Variants in UNC13C observed in about 807,000 individuals in gnomAD.
UNC13C encodes unc-13 homolog C.
Under a neutral mutation model 245.4 loss-of-function variants are expected in UNC13C, and 174 were observed. That is an observed-to-expected ratio of 0.71 (90% CI 0.63 to 0.80). UNC13C has a LOEUF of 0.80. Among genes scored for constraint, UNC13C ranks in the 30% least tolerant of loss-of-function variants. The pLI, the probability that UNC13C is intolerant of heterozygous loss-of-function variation, is 0.00. For missense variants in UNC13C, 2,829 were observed against 2,602.9 expected, an observed-to-expected ratio of 1.09 and a Z score of -1.89; for synonymous variants, 992 against 895.1, an observed-to-expected ratio of 1.11 and a Z score of -1.93.
chr15:54,276,751 A>G (rs12148563), intron 10 of UNC13C, among the ~76,000 whole-genome samples: 17,112 of 152,004 alleles, frequency 0.11, 1,222 homozygotes, highest in Non-Finnish European at 0.15. Context: ...CATATCTACT[A>G]CTTGCCTTTA....
At chr15:54,290,267 T>C (rs1320460607) in intron 10 of UNC13C, among the ~76,000 whole-genome samples, 2 of 152,014 alleles carry the variant, frequency 1.3e-5, no homozygotes, top group East Asian at 3.9e-4. Flanking sequence ...GTAGAACCAA[T>C]GTTAGTTGCG....
chr15:54,406,694 A>G (rs960111724), intron 18 of UNC13C, among the ~76,000 whole-genome samples: 2 of 152,202 alleles, frequency 1.3e-5, no homozygotes, highest in Admixed American at 1.3e-4. Context: ...TCCACAGTAT[A>G]AAAGCACCAA....
At chr15:54,338,303 T>C in intron 16 of UNC13C, 58 bp from the exon 17 acceptor site, 1 of 1,569,190 alleles carries the variant, frequency 6.4e-7, no homozygotes, top group Non-Finnish European at 8.7e-7. Context: ...GAGTAGTTTA[T>C]ACTAGATTAC....
intron 7 of UNC13C, among the ~76,000 whole-genome samples, chr15:54,238,209 G>A (rs2035759138): frequency 6.6e-6 from 1 of 151,100 alleles, no homozygotes; most frequent in Non-Finnish European, 1.5e-5. Flanking sequence ...CTAGTAGCTG[G>A]GACTACAGGT....
chr15:54,395,682 AT>A (rs2040055928), intron 18 of UNC13C, among the ~76,000 whole-genome samples: 1 of 151,816 alleles, frequency 6.6e-6, no homozygotes, highest in Non-Finnish European at 1.5e-5. Flanking sequence ...ATTGATTCAG[AT>A]CATTTAGTGA....
Position 54,546,342 on chromosome 15 carries a change from A to T in UNC13C, c.5697-380A>T, listed in dbSNP as rs1340065944. Reference sequence around the variant, plus strand: ...CGCCGGGTGGAGGGCTGGGTGAGGGATAGCATTAGGAGAAATACCTAATGT... The same window carrying T: ...CGCCGGGTGGAGGGCTGGGTGAGGGTTAGCATTAGGAGAAATACCTAATGT... On this transcript the variant is annotated intron_variant, in intron 26 of 32. Transcript: ENST00000260323. Among the ~76,000 whole-genome samples, 4 of 152,170 alleles carry T rather than the reference A, an allele frequency of 2.6e-5. No homozygotes were observed. In the East Asian group the frequency reaches 7.7e-4, roughly 29 times the overall value.
At chr15:54,589,289 CTT>C (rs71105821) in intron 30 of UNC13C, among the ~76,000 whole-genome samples, 24 of 53,496 alleles carry the variant, frequency 4.5e-4, no homozygotes, top group African/African-American at 1.4e-3. Flanking sequence ...TCTTCTTCTT[CTT>C]TTTTTTTTTT....
At chr15:54,607,252 T>G (rs928094275) in intron 30 of UNC13C, among the ~76,000 whole-genome samples, 13 of 152,160 alleles carry the variant, frequency 8.5e-5, no homozygotes, top group Admixed American at 6.6e-4. Flanking sequence ...AATCTTGGTT[T>G]GCCAGTGAGA....
intron 2 of UNC13C, among the ~76,000 whole-genome samples, chr15:54,139,403 A>G (rs1316592766): frequency 1.3e-5 from 2 of 152,300 alleles, no homozygotes; most frequent in Non-Finnish European, 1.5e-5. Flanking sequence ...TTAGGACTTC[A>G]ACATTTAAAT....
intron 13 of UNC13C, among the ~76,000 whole-genome samples, chr15:54,311,749 A>C (rs1213265976): frequency 6.6e-6 from 1 of 151,794 alleles, no homozygotes; most frequent in African/African-American, 2.4e-5. Flanking sequence ...ATACATTTTG[A>C]AAGAGAAAAG....
intron 15 of UNC13C, among the ~76,000 whole-genome samples, chr15:54,333,054 G>A (rs1432863088): frequency 6.6e-6 from 1 of 151,906 alleles, no homozygotes; most frequent in East Asian, 1.9e-4. Context: ...CTCATCATAG[G>A]CACACTAACC....
In UNC13C at chr15:54,181,599, C is replaced by A. The variant is rs550295521; in HGVS notation, c.3071+37915C>A. ...TCTATGAAAAATGACATTGATAGTT[C>A]AATAGGAATAGCATTGAATCTGTAG... On this transcript the variant is annotated intron_variant, in intron 4 of 32. Transcript: ENST00000260323. 5.2e-4 allele frequency among the ~76,000 whole-genome samples: 79 copies of A among 151,184 alleles called. 1 individual carries two copies. Among genetic ancestry groups the A allele is most frequent in the South Asian group, 1.1e-3 (5 of 4,696 alleles).
chr15:54,090,916 T>C (rs573601924), intron 2 of UNC13C, among the ~76,000 whole-genome samples: 1 of 152,088 alleles, frequency 6.6e-6, no homozygotes, highest in African/African-American at 2.4e-5. Flanking sequence ...TACTTGATGA[T>C]CTTATGACTG....
intron 4 of UNC13C, among the ~76,000 whole-genome samples, chr15:54,203,856 A>G (rs1190505676): frequency 5.9e-5 from 6 of 102,292 alleles, no homozygotes; most frequent in Admixed American, 5.8e-4. Context: ...ACACGTATAT[A>G]TACATATATA....
intron 30 of UNC13C, among the ~76,000 whole-genome samples, chr15:54,605,979 A>G (rs1899746614): frequency 6.8e-6 from 1 of 147,884 alleles, no homozygotes; most frequent in African/African-American, 2.4e-5. Flanking sequence ...TGCCTTCTTT[A>G]AGAAGCCAAA....
At chr15:53,894,506 G>T in the UNC13C span, among the ~76,000 whole-genome samples, 2 of 152,274 alleles carry the variant, frequency 1.3e-5, no homozygotes, top group Admixed American at 1.3e-4. Context: ...GTGGTCATCT[G>T]ACTGGCCTGG....
chr15:54,533,148 C>A, intron 26 of UNC13C, 82 bp downstream of exon 26: 1 of 1,064,488 alleles, frequency 9.4e-7, no homozygotes, highest in Non-Finnish European at 1.4e-6. Context: ...TTGTTTTCCT[C>A]TGTGTAAGGT....
the UNC13C span, among the ~76,000 whole-genome samples, chr15:53,968,940 TACAATCCCC>T: frequency 2.6e-5 from 4 of 152,118 alleles, no homozygotes; most frequent in Non-Finnish European, 5.9e-5. Context: ...TGCAGTTTCC[TACAATCCCC>T]ACAATCCCTA....
intron 4 of UNC13C, among the ~76,000 whole-genome samples, chr15:54,208,423 A>T (rs117231910): frequency 0.01 from 1,560 of 152,208 alleles, 10 homozygotes; most frequent in Non-Finnish European, 0.017. Flanking sequence ...GGCTGCATAA[A>T]TGATTATTAT....
Sources: allele counts gnomAD v4.1 joint callset (sites outside exome capture counted in the v4.1 genomes callset), GRCh38; gene constraint gnomAD v4.1.1; transcripts MANE v1.5; gene names NCBI Gene and HGNC (gene_info 2026-07-23, HGNC 2026-07-21).